Variants in CFAP44 observed in about 807,000 individuals in gnomAD.
CFAP44 encodes cilia- and flagella-associated protein 44.
A neutral mutation model predicts 216.2 loss-of-function variants in CFAP44; 134 were observed. The observed-to-expected ratio is 0.62, with a 90% CI of 0.54 to 0.72. The LOEUF (loss-of-function observed/expected upper bound fraction) is 0.72, where lower values mean the gene tolerates loss of function less well. Ranked by LOEUF, CFAP44 falls within the 30% of genes least tolerant of loss-of-function variation. CFAP44 has a pLI of 0.00. For missense variants in CFAP44, 2,035 were observed against 2,182.1 expected, an observed-to-expected ratio of 0.93 and a Z score of 1.34; for synonymous variants, 700 against 727.6, an observed-to-expected ratio of 0.96 and a Z score of 0.61.
At chr3:113,380,255 C>A (rs1933470758) in intron 16 of CFAP44, among the ~76,000 whole-genome samples, 1 of 152,088 alleles carries the variant, frequency 6.6e-6, no homozygotes, top group Non-Finnish European at 1.5e-5. Context: ...TCTTGGCTGG[C>A]ATTTAAGGAG....
In CFAP44 at chr3:113,291,646, C is replaced by A; in HGVS notation, c.5476G>T (p.Glu1826Ter). 6.5e-7 allele frequency: 1 copy of A among 1,537,336 alleles called. No homozygotes were observed. The highest frequency in any genetic ancestry group is 8.7e-7 in the Non-Finnish European group (1 of 1,146,950). ...CCTTTCCTACGCAAAAGAGCAATCTCCTCCTTTAAGGCCGAAATCCTTTCC... is the reference window on the plus strand; with the variant it reads ...CCTTTCCTACGCAAAAGAGCAATCTACTCCTTTAAGGCCGAAATCCTTTCC... ...QAERISALKEEIALLRRKGSL... is the reference protein window; with the variant it reads ...QAERISALKE Residue 1826 changes from glutamate to a stop codon, truncating the protein, a stop_gained, in exon 35 of 35, where the codon GAG becomes TAG. Coordinates refer to ENST00000393845, the MANE Select transcript of CFAP44 (RefSeq NM_001164496.2). LOFTEE classifies it low-confidence loss of function (END_TRUNC).
intron 15 of CFAP44, among the ~76,000 whole-genome samples, chr3:113,385,845 T>C (rs983018429): frequency 3.3e-5 from 5 of 151,408 alleles, no homozygotes; most frequent in African/African-American, 4.9e-5. Flanking sequence ...GGTTTCACCA[T>C]GTTGACCAGG....
chr3:113,370,515 C>T (rs1309505932), intron 18 of CFAP44, among the ~76,000 whole-genome samples: 1 of 152,068 alleles, frequency 6.6e-6, no homozygotes, highest in Non-Finnish European at 1.5e-5. Flanking sequence ...AAAAGGCCTT[C>T]AACAAAATTC....
intron 22 of CFAP44, among the ~76,000 whole-genome samples, chr3:113,356,085 C>T (rs903985005): frequency 3.4e-5 from 5 of 149,174 alleles, no homozygotes; most frequent in Admixed American, 1.3e-4. Context: ...TAGAGGAAAG[C>T]GTACATTAAA....
intron 28 of CFAP44, among the ~76,000 whole-genome samples, chr3:113,309,797 T>C (rs1950021544): frequency 6.6e-6 from 1 of 152,206 alleles, no homozygotes; most frequent in Non-Finnish European, 1.5e-5. Flanking sequence ...GGCGAGTTCC[T>C]TGGATATTCT....
At chr3:113,398,377 T>C (rs192212592) in intron 13 of CFAP44, among the ~76,000 whole-genome samples, 9 of 152,220 alleles carry the variant, frequency 5.9e-5, no homozygotes, top group East Asian at 1.9e-4. Context: ...AGCTGAGTCA[T>C]AAAAACTGAT....
chr3:113,311,384 C>A (rs1426752799), intron 28 of CFAP44, among the ~76,000 whole-genome samples: 1 of 152,138 alleles, frequency 6.6e-6, no homozygotes, highest in Non-Finnish European at 1.5e-5. Context: ...GGGGCAGTTT[C>A]CCCCATACTG....
intron 28 of CFAP44, among the ~76,000 whole-genome samples, chr3:113,322,374 A>C (rs1039990220): frequency 2.0e-5 from 3 of 152,196 alleles, no homozygotes; most frequent in African/African-American, 7.2e-5. Flanking sequence ...ACAAAAGACC[A>C]ATATCCAGAA....
chr3:113,433,715 T>G (rs774289418), intron 1 of CFAP44, 46 bp from the exon 2 acceptor site: 8 of 1,398,332 alleles, frequency 5.7e-6, no homozygotes, highest in East Asian at 2.3e-5. Context: ...GCTGTAAAAT[T>G]GAAACTAACA....
chr3:113,297,308 A>G (rs1401078570), intron 32 of CFAP44, among the ~76,000 whole-genome samples: 1 of 152,106 alleles, frequency 6.6e-6, no homozygotes, highest in Non-Finnish European at 1.5e-5. Flanking sequence ...GAGGCCCTGC[A>G]TGGTCAGCCT....
chr3:113,365,675 C>T (rs1255762404), intron 19 of CFAP44, among the ~76,000 whole-genome samples: 1 of 152,018 alleles, frequency 6.6e-6, no homozygotes, highest in Non-Finnish European at 1.5e-5. Context: ...TGTCCTATAT[C>T]AGCCCTTACA....
intron 32 of CFAP44, among the ~76,000 whole-genome samples, chr3:113,302,457 TA>T (rs60866565): frequency 0.06 from 4,528 of 75,674 alleles, 291 homozygotes; most frequent in African/African-American, 0.18. Context: ...CTAGACAAAG[TA>T]AAAAAAAAAA....
intron 6 of CFAP44, among the ~76,000 whole-genome samples, chr3:113,414,087 T>C (rs6779002): frequency 0.25 from 37,701 of 152,066 alleles, 5,409 homozygotes; most frequent in East Asian, 0.58. Flanking sequence ...CCCTTGTTAG[T>C]TGTATTCCTA....
chr3:113,319,357 T>TA (rs372717511), intron 28 of CFAP44, among the ~76,000 whole-genome samples: 2 of 152,164 alleles, frequency 1.3e-5, no homozygotes, highest in African/African-American at 4.8e-5. Flanking sequence ...CACATAATGA[T>TA]AAAGAGTGCA....
rs1387960140 is a variant in CFAP44 at position 113,326,651 on chromosome 3, A to T, written c.4321-11T>A. The T allele has an allele frequency of 7.0e-7, 1 of 1,434,556 alleles. No individual in the cohort carries two copies. Among genetic ancestry groups the T allele is most frequent in the Non-Finnish European group, 9.2e-7 (1 of 1,081,978 alleles). 88.9% of individuals were successfully genotyped at this position (1,434,556 alleles called of 1,614,324 possible). A position where few individuals can be genotyped will look rare whatever the true frequency, so the allele number is the denominator to read the frequency against. ...TTCATTTATTTTCCACTAAATGAAT[A>T]AAAACAAGGACAAATGATAAATATT... On this transcript the variant is annotated splice_polypyrimidine_tract_variant and intron_variant, in intron 27 of 34. Coordinates refer to ENST00000393845, the MANE Select transcript of CFAP44 (RefSeq NM_001164496.2).
At position 113,328,695 on chromosome 3, in the gene CFAP44, T is replaced by TAAAAAAAAAAAA. The variant is rs1950210721; in HGVS notation, c.4117-877_4117-876insTTTTTTTTTTTT. On this transcript the variant is annotated intron_variant, in intron 26 of 34. Transcript: ENST00000393845. ...AAACTACCAGAGAAATTTAGAGAGC[T>TAAAAAAAAAAAA]TAAAAAAAAAAAAAAAAAAAAAAAA... 3.5e-4 allele frequency among the ~76,000 whole-genome samples: 25 copies of TAAAAAAAAAAAA among 72,338 alleles called. 2 individuals carry two copies. Among genetic ancestry groups the TAAAAAAAAAAAA allele is most frequent in the African/African-American group, 8.9e-4 (19 of 21,404 alleles). 47.5% of individuals were successfully genotyped at this position (72,338 alleles called of 152,430 possible).
intron 24 of CFAP44, among the ~76,000 whole-genome samples, chr3:113,340,430 ACCC>A (rs1950321301): frequency 6.6e-6 from 1 of 152,192 alleles, no homozygotes; most frequent in Admixed American, 6.5e-5. Context: ...AGAGCCTCTT[ACCC>A]ACAGGAAAGA....
chr3:113,291,549 T>A lies in CFAP44; in HGVS notation c.*8A>T. 6.5e-7 allele frequency: 1 copy of A among 1,533,720 alleles called. No individual in the cohort carries two copies. Among genetic ancestry groups the A allele is most frequent in the Middle Eastern group, 1.7e-4 (1 of 5,976 alleles). The stretch of plus-strand genomic sequence containing the variant: ...GAAATCTTGTATGGGTTTGAGAAAA[T>A]AGCAAACTCAAAGGTCTGCGGGCTG... On this transcript the variant is annotated 3_prime_UTR_variant, in exon 35 of 35. Transcript: ENST00000393845.
At chr3:113,410,154 T>A (rs1159854920) in intron 6 of CFAP44, among the ~76,000 whole-genome samples, 1 of 151,216 alleles carries the variant, frequency 6.6e-6, no homozygotes, top group Non-Finnish European at 1.5e-5. Context: ...CTTGTTTTCT[T>A]TTTTTTTTAT....
Sources: allele counts gnomAD v4.1 joint callset (sites outside exome capture counted in the v4.1 genomes callset), GRCh38; gene constraint gnomAD v4.1.1; transcripts MANE v1.5; gene names NCBI Gene and HGNC (gene_info 2026-07-23, HGNC 2026-07-21).